HHLA2: variants seen among roughly 807,000 people sequenced by gnomAD.
The protein encoded by HHLA2 is HHLA2 member of B7 family.
Under a neutral mutation model 45.9 loss-of-function variants are expected in HHLA2, and 48 were observed. The ratio of observed to expected loss-of-function variants is 1.05; its 90% CI spans 0.83 to 1.33. HHLA2 has a LOEUF of 1.33. Among genes scored for constraint, HHLA2 ranks in the 40% most tolerant of loss-of-function variants. HHLA2 has a pLI of 0.00. For missense variants in HHLA2, 462 were observed against 494.3 expected (o/e 0.93, Z 0.62); for synonymous variants, 161 against 173.9 (o/e 0.93, Z 0.59).
At chr3:108,307,636 A>AC (rs1465049144) in intron 1 of HHLA2, among the ~76,000 whole-genome samples, 1 of 147,670 alleles carries the variant, frequency 6.8e-6, no homozygotes, top group African/African-American at 2.5e-5. Flanking sequence ...CTCTGTCTCA[A>AC]AAAAAAAAAA....
chr3:108,340,951 T>TTCCTTC lies in HHLA2; in HGVS notation c.-26-10837_-26-10836insTCCTTC, dbSNP rs1560230330. On this transcript the variant is annotated intron_variant, in intron 3 of 10. Coordinates refer to ENST00000619531, the Ensembl canonical transcript of HHLA2. Reference sequence around the variant, plus strand: ...TCCTTCCTTCCTTCCTTCCTTCCTTTCTTTCTTTCTTTTCTTTCTTTCATG... The same window carrying TTCCTTC: ...TCCTTCCTTCCTTCCTTCCTTCCTTTTCCTTCCTTTCTTTCTTTTCTTTCTTTCATG... Among the ~76,000 whole-genome samples, 84 of 104,194 alleles carry TTCCTTC rather than the reference T, an allele frequency of 8.1e-4. 3 individuals carry two copies. The Middle Eastern group carries it at 0.015, about 18-fold the overall frequency. The allele number at this position is 104,194 out of a possible 152,430, so 68.4% of individuals were successfully genotyped here. A position where few individuals can be genotyped will look rare whatever the true frequency, so the allele number is the denominator to read the frequency against.
intron 4 of HHLA2, among the ~76,000 whole-genome samples, chr3:108,352,868 C>G (rs1413401463): frequency 6.6e-6 from 1 of 152,164 alleles, no homozygotes; most frequent in African/African-American, 2.4e-5. Context: ...GACTCTCTTT[C>G]CCTTTTGGAC....
intron 3 of HHLA2, among the ~76,000 whole-genome samples, chr3:108,349,826 A>C (rs1283352330): frequency 6.6e-6 from 1 of 152,226 alleles, no homozygotes; most frequent in Non-Finnish European, 1.5e-5. Context: ...AAGTAAGAGC[A>C]TCAGCTGGAA....
intron 3 of HHLA2, among the ~76,000 whole-genome samples, chr3:108,346,931 T>C (rs1055409173): frequency 6.6e-6 from 1 of 152,174 alleles, no homozygotes; most frequent in African/African-American, 2.4e-5. Flanking sequence ...TCTGTCTGAT[T>C]AGTCTTAGCA....
intron 1 of HHLA2, among the ~76,000 whole-genome samples, chr3:108,303,987 C>T (rs1307900307): frequency 6.6e-6 from 1 of 152,076 alleles, no homozygotes; most frequent in Non-Finnish European, 1.5e-5. Context: ...ATTGAACTGA[C>T]TCTCATTTTT....
chr3:108,320,023 G>A (rs979209347), intron 2 of HHLA2, among the ~76,000 whole-genome samples: 3 of 152,124 alleles, frequency 2.0e-5, no homozygotes, highest in African/African-American at 7.2e-5. Flanking sequence ...CTGCATAATG[G>A]TCAATTGCAT....
At chr3:108,327,599 G>A (rs2081308699) in intron 2 of HHLA2, among the ~76,000 whole-genome samples, 1 of 152,028 alleles carries the variant, frequency 6.6e-6, no homozygotes, top group South Asian at 2.1e-4. Flanking sequence ...ATCTATTGTT[G>A]CTAATTTCAC....
rs55718572 is a variant in HHLA2, at chr3:108,368,535, C to CAA, written c.1108+6123_1108+6124dup. ...GAATATTTACCAAGCAAACGAAGAG[C>CAA]AAAAAAAAAAAAAAAAAAAAAAAAA... On this transcript the variant is annotated intron_variant, in intron 8 of 10. Transcript: ENST00000619531. Among the ~76,000 whole-genome samples, 39 of 6,622 alleles carry CAA rather than the reference C, an allele frequency of 5.9e-3. 12 individuals carry two copies. Among genetic ancestry groups the CAA allele is most frequent in the East Asian group, 0.023 (2 of 88 alleles). 4.3% of individuals were successfully genotyped at this position (6,622 alleles called of 152,430 possible).
Position 108,375,746 on chromosome 3 carries a change from A to G in HHLA2, c.1109-4A>G, listed in dbSNP as rs2082265032. 1 of 1,610,400 alleles carries G rather than the reference A, an allele frequency of 6.2e-7. No individual in the cohort carries two copies. Among genetic ancestry groups the G allele is most frequent in the Non-Finnish European group, 8.5e-7 (1 of 1,177,706 alleles). On this transcript the variant is annotated splice_polypyrimidine_tract_variant and splice_region_variant and intron_variant, in intron 8 of 10. Coordinates refer to ENST00000619531, the Ensembl canonical transcript of HHLA2. Reference sequence around the variant, plus strand: ...TTTCACTCTTCCCTGTCTCTGATCTACAGCCCAGCTAGAAGCCAGGAGGAG... The same window carrying G: ...TTTCACTCTTCCCTGTCTCTGATCTGCAGCCCAGCTAGAAGCCAGGAGGAG...
chr3:108,345,277 C>A (rs1186868534), intron 3 of HHLA2, among the ~76,000 whole-genome samples: 1 of 152,148 alleles, frequency 6.6e-6, no homozygotes, highest in Non-Finnish European at 1.5e-5. Context: ...AGCAACATAA[C>A]CTGAGAACTG....
At chr3:108,328,029 A>G (rs773302913) in intron 2 of HHLA2, among the ~76,000 whole-genome samples, 11 of 152,084 alleles carry the variant, frequency 7.2e-5, no homozygotes, top group Non-Finnish European at 1.0e-4. Flanking sequence ...GCTACTTGGG[A>G]GGCTGAGGCA....
chr3:108,311,642 T>C (rs979059781), intron 2 of HHLA2: 5 of 152,086 alleles, frequency 3.3e-5, no homozygotes, highest in African/African-American at 1.2e-4. Flanking sequence ...GCTTTCAAGG[T>C]TGGTCTTTTC....
At chr3:108,328,955 T>A (rs924406197) in intron 3 of HHLA2, among the ~76,000 whole-genome samples, 3 of 152,156 alleles carry the variant, frequency 2.0e-5, no homozygotes, top group African/African-American at 7.2e-5. Flanking sequence ...CATCTTAGAA[T>A]CAGAGTTTGT....
chr3:108,340,895 CTTTTT>C (rs201959417), intron 3 of HHLA2, among the ~76,000 whole-genome samples: 2 of 60,730 alleles, frequency 3.3e-5, no homozygotes, highest in South Asian at 8.6e-4. Context: ...AAACTCTTTT[CTTTTT>C]TTTTTTTTTT....
At chr3:108,368,279 A>C (rs2082100736) in intron 8 of HHLA2, among the ~76,000 whole-genome samples, 1 of 152,012 alleles carries the variant, frequency 6.6e-6, no homozygotes, top group Non-Finnish European at 1.5e-5. Context: ...GACCAACAAC[A>C]CTATGAGGAA....
At chr3:108,373,068 C>T (rs2082208585) in intron 8 of HHLA2, among the ~76,000 whole-genome samples, 1 of 152,116 alleles carries the variant, frequency 6.6e-6, no homozygotes, top group South Asian at 2.1e-4. Context: ...AACATTGATG[C>T]AAAAATCCTC....
At chr3:108,333,485 TA>T (rs1443961785) in intron 3 of HHLA2, among the ~76,000 whole-genome samples, 7 of 150,808 alleles carry the variant, frequency 4.6e-5, no homozygotes, top group African/African-American at 1.7e-4. Context: ...ATTCTTGTAC[TA>T]AAAAATTATT....
chr3:108,358,498 G>T (rs1403235800), intron 7 of HHLA2, among the ~76,000 whole-genome samples: 2 of 152,104 alleles, frequency 1.3e-5, no homozygotes, highest in Admixed American at 6.6e-5. Context: ...TAGGGTTTGG[G>T]GATTCAAGGC....
intron 2 of HHLA2, among the ~76,000 whole-genome samples, chr3:108,319,259 A>G (rs998937270): frequency 2.0e-5 from 3 of 152,106 alleles, no homozygotes; most frequent in Non-Finnish European, 2.9e-5. Flanking sequence ...TTAAAGAAGG[A>G]AAATAGAGTC....
Sources: gnomAD v4.1 joint callset for allele counts (sites outside exome capture counted in the v4.1 genomes callset) on GRCh38, gnomAD v4.1.1 for gene constraint, MANE v1.5 for transcripts, NCBI Gene and HGNC (gene_info 2026-07-23, HGNC 2026-07-21) for gene names.